Variants in MCF2L2 observed in about 807,000 individuals in gnomAD.
The protein encoded by MCF2L2 is MCF.2 cell line derived transforming sequence-like 2, also known as probable guanine nucleotide exchange factor MCF2L2.
MCF2L2 carries 102 observed loss-of-function variants against 150.2 expected under a neutral mutation model. The ratio of observed to expected loss-of-function variants is 0.68; its 90% CI spans 0.58 to 0.80. The LOEUF is 0.80. MCF2L2 is among the 30% of genes least tolerant of loss of function. MCF2L2 has a pLI of 0.00. For missense variants in MCF2L2, 1,256 were observed against 1,372.8 expected (o/e 0.91, Z 1.34); for synonymous variants, 465 against 491.3 (o/e 0.95, Z 0.71).
chr3:183,280,405 G>A lies in MCF2L2; in HGVS notation c.1777-3448C>T, dbSNP rs189737930. ...AAGTCCCAATAGCTGATTTTCAATC[G>A]ATTATTGAAATTGTTTTTTTTTTCT... On this transcript the variant is annotated intron_variant, in intron 14 of 29. Transcript: ENST00000328913. 3.3e-3 allele frequency among the ~76,000 whole-genome samples: 503 copies of A among 151,738 alleles called. 3 individuals carry two copies. Among genetic ancestry groups the A allele is most frequent in the African/African-American group, 0.01 (420 of 41,432 alleles).
In MCF2L2 at chr3:183,323,281, C is replaced by T. The variant is rs776445954; in HGVS notation, c.557G>A (p.Gly186Glu). 6.2e-7 allele frequency: 1 copy of T among 1,613,718 alleles called. No individual in the cohort carries two copies. Among genetic ancestry groups the T allele is most frequent in the Admixed American group, 1.7e-5 (1 of 60,012 alleles). Residue 186 changes from glycine to glutamate, a missense_variant, in exon 6 of 30, where the codon GGG becomes GAG. Physicochemically the swap from Gly to Glu is moderately conservative, Grantham distance 98. Coordinates refer to ENST00000328913, the MANE Select transcript of MCF2L2 (RefSeq NM_015078.4). ...IDKSQLTRELGGTLEYRHGQW... is the reference protein window; with the variant it reads ...IDKSQLTRELEGTLEYRHGQW... ...ACCGTGGCGATATTCCAAAGTCCCC[C>T]CTAATTCCCGGGTCAGTTGGCTTTT...
chr3:183,298,529 TGTAGGGATGGGGGATAGTGGGATATG>T (rs1301210449), intron 11 of MCF2L2: 1 of 152,216 alleles, frequency 6.6e-6, no homozygotes, highest in African/African-American at 2.4e-5. Flanking sequence ...ATTACCATTA[TGTAGGGATGGGGGATAGTGGGATATG>T]TACGTGCCCA....
chr3:183,291,180 C>T (rs960403678), intron 13 of MCF2L2, among the ~76,000 whole-genome samples: 1 of 152,180 alleles, frequency 6.6e-6, no homozygotes, highest in African/African-American at 2.4e-5. Flanking sequence ...GCTAGAAATG[C>T]ATGCACTATA....
rs1482820115 is a variant in MCF2L2, at chr3:183,292,034, T to G, written c.1676-2814A>C. ...CTAAGAAGGATGTCTCTGTGTATGTTTGGGTATGTCTGTGGTATGTGTGTG... is the reference window on the plus strand; with the variant it reads ...CTAAGAAGGATGTCTCTGTGTATGTGTGGGTATGTCTGTGGTATGTGTGTG... On this transcript the variant is annotated intron_variant, in intron 13 of 29. Transcript: ENST00000328913. 1.3e-5 allele frequency among the ~76,000 whole-genome samples: 2 copies of G among 152,080 alleles called. 1 individual carries two copies. Among genetic ancestry groups the G allele is most frequent in the South Asian group, 4.1e-4 (2 of 4,826 alleles).
intron 25 of MCF2L2, among the ~76,000 whole-genome samples, chr3:183,198,421 G>A (rs1347563768): frequency 1.3e-5 from 2 of 151,804 alleles, no homozygotes; most frequent in African/African-American, 4.9e-5. Flanking sequence ...GTGGTCACCT[G>A]GGGTGGGTGA....
intron 20 of MCF2L2, among the ~76,000 whole-genome samples, chr3:183,220,181 G>T (rs1168931104): frequency 6.6e-6 from 1 of 152,114 alleles, no homozygotes; most frequent in Non-Finnish European, 1.5e-5. Context: ...ATTTTCCCAT[G>T]ATATTATGTT....
chr3:183,288,498 T>A (rs1378907636), intron 14 of MCF2L2, among the ~76,000 whole-genome samples: 2 of 151,644 alleles, frequency 1.3e-5, no homozygotes, highest in Non-Finnish European at 2.9e-5. Flanking sequence ...TTTTTTTTTT[T>A]TGAGACATAG....
chr3:183,305,325 CTT>C lies in MCF2L2; in HGVS notation c.1113+4389_1113+4390del, dbSNP rs397795812. Among the ~76,000 whole-genome samples the C allele has an allele frequency of 6.8e-6, 1 of 146,260 alleles. No individual in the cohort carries two copies. Among genetic ancestry groups the C allele is most frequent in the Non-Finnish European group, 1.5e-5 (1 of 66,052 alleles). On this transcript the variant is annotated intron_variant, in intron 10 of 29. Coordinates refer to ENST00000328913, the MANE Select transcript of MCF2L2 (RefSeq NM_015078.4). This position sits in a 1 kb window ranked among gnomAD's most constrained non-coding sequence, Gnocchi z 4.1. ...CTTGGCATGAAAGTCTCTGTTGACA[CTT>C]TTTTTTTTTTTAAGTCCAGCTGCCT...
intron 15 of MCF2L2, among the ~76,000 whole-genome samples, chr3:183,239,519 GT>G (rs1723910719): frequency 6.6e-6 from 1 of 151,826 alleles, no homozygotes; most frequent in African/African-American, 2.4e-5. Flanking sequence ...TTCCTGATAA[GT>G]TTCTTCTTTG....
At chr3:183,363,086 CAACAAT>C (rs1323430996) in intron 3 of MCF2L2, among the ~76,000 whole-genome samples, 1 of 137,984 alleles carries the variant, frequency 7.2e-6, no homozygotes, top group Non-Finnish European at 1.5e-5. Flanking sequence ...CAAATTAAAA[CAACAAT>C]GAGATACTAC....
chr3:183,221,291 G>A (rs1723140186), intron 20 of MCF2L2, among the ~76,000 whole-genome samples: 1 of 152,158 alleles, frequency 6.6e-6, no homozygotes, highest in Non-Finnish European at 1.5e-5. Context: ...GTGAAAGGCA[G>A]CTAACAAAAC....
chr3:183,379,176 T>G, intron 3 of MCF2L2, 121 bp downstream of exon 3: 1 of 621,456 alleles, frequency 1.6e-6, no homozygotes, highest in Non-Finnish European at 2.7e-6. Flanking sequence ...GCCAGCTGGG[T>G]TATTATGCAT....
Position 183,216,063 on chromosome 3 carries a change from A to T in MCF2L2, c.2402T>A (p.Phe801Tyr). The change falls in exon 22 of 30, where the codon TTC becomes TAC. Residue 801 changes from phenylalanine (F) to tyrosine (Y), a missense_variant. Coordinates refer to ENST00000328913, the MANE Select transcript of MCF2L2 (RefSeq NM_015078.4). ...CAAAGCTTGTTGTAGTTCAGTTGAG[A>T]ATGCTGAATCTTTGGTTCTCTTTGG... is the stretch of plus-strand genomic sequence containing the variant. ...DGPKRTKDSA[F>Y]STELQQALAV... 1 of 1,613,856 alleles carries T rather than the reference A, an allele frequency of 6.2e-7. No individual in the cohort carries two copies. Among genetic ancestry groups the T allele is most frequent in the Non-Finnish European group, 8.5e-7 (1 of 1,179,854 alleles).
chr3:183,255,161 T>A (rs943151218), intron 15 of MCF2L2, among the ~76,000 whole-genome samples: 1 of 152,150 alleles, frequency 6.6e-6, no homozygotes. Context: ...GCCTGTTCCC[T>A]GTGGGGGATG....
chr3:183,234,554 A>G (rs1723717386), intron 15 of MCF2L2, among the ~76,000 whole-genome samples: 1 of 152,200 alleles, frequency 6.6e-6, no homozygotes. Flanking sequence ...AGGCAAATCA[A>G]TATTCATTAA....
At chr3:183,326,702 C>T (rs1257530123) in intron 5 of MCF2L2, among the ~76,000 whole-genome samples, 1 of 31,032 alleles carries the variant, frequency 3.2e-5, no homozygotes, top group African/African-American at 1.9e-4. Context: ...ATTTGATATG[C>T]TTATAATGTG....
chr3:183,269,277 A>T (rs1726493358), intron 15 of MCF2L2, among the ~76,000 whole-genome samples: 2 of 127,816 alleles, frequency 1.6e-5, no homozygotes, highest in Non-Finnish European at 1.6e-5. Flanking sequence ...AGGTCTCTGT[A>T]CTCTGAATGG....
At chr3:183,207,054 A>G (rs114274405) in intron 23 of MCF2L2, among the ~76,000 whole-genome samples, 261 of 152,140 alleles carry the variant, frequency 1.7e-3, no homozygotes, top group African/African-American at 6.0e-3. Context: ...CTATGAACAA[A>G]TTAACAGCTT....
chr3:183,370,977 G>A (rs1469673568), intron 3 of MCF2L2, among the ~76,000 whole-genome samples: 1 of 152,090 alleles, frequency 6.6e-6, no homozygotes, highest in Non-Finnish European at 1.5e-5. Context: ...AGTACACTCT[G>A]TACTCGTGAC....
Sources: gnomAD v4.1 joint callset for allele counts (sites outside exome capture counted in the v4.1 genomes callset) on GRCh38, gnomAD v4.1.1 for gene constraint, Gnocchi (gnomAD v3.1) non-coding constraint, MANE v1.5 for transcripts, NCBI Gene and HGNC (gene_info 2026-07-23, HGNC 2026-07-21) for gene names.